The following CPA6 variants were observed in gnomAD, a reference collection of about 807,000 sequenced individuals.
The protein encoded by CPA6 is carboxypeptidase A6, also known as carboxypeptidase B.
Under a neutral mutation model 63.3 loss-of-function variants are expected in CPA6, and 58 were observed. The observed-to-expected ratio is 0.92, with a 90% confidence interval of 0.74 to 1.14. The LOEUF is 1.14. Ranked by LOEUF, CPA6 falls within the 50% of genes most tolerant of loss-of-function variation. The probability of loss-of-function intolerance (pLI) is 0.00; values close to 1 mark genes in which losing one functional copy is unlikely to be tolerated. For missense variants in CPA6, 565 were observed against 526.6 expected, an observed-to-expected ratio of 1.07 and a Z score of -0.71; for synonymous variants, 185 against 179.0, an observed-to-expected ratio of 1.03 and a Z score of -0.27.
chr8:67,690,506 G>A (rs1276040995), intron 1 of CPA6, among the ~76,000 whole-genome samples: 1 of 152,166 alleles, frequency 6.6e-6, no homozygotes, highest in African/African-American at 2.4e-5. Flanking sequence ...ATCAGTGCTT[G>A]TTCTAAGGTA....
At chr8:67,697,367 A>T (rs1426015549) in intron 1 of CPA6, among the ~76,000 whole-genome samples, 1 of 152,212 alleles carries the variant, frequency 6.6e-6, no homozygotes, top group Non-Finnish European at 1.5e-5. Flanking sequence ...TGTGAAAAAG[A>T]AGGCAGATAG....
chr8:67,475,890 CTTT>C (rs1563968109), intron 8 of CPA6, among the ~76,000 whole-genome samples: 263 of 43,344 alleles, frequency 6.1e-3, no homozygotes, highest in Admixed American at 8.9e-3. Context: ...TCCTTTCTTT[CTTT>C]CTTTCTTTCT....
chr8:67,516,344 G>A (rs1312011152), intron 3 of CPA6, among the ~76,000 whole-genome samples: 1 of 152,126 alleles, frequency 6.6e-6, no homozygotes, highest in Non-Finnish European at 1.5e-5. Context: ...TAGAGAATGA[G>A]GTATCCTTCC....
chr8:67,603,414 C>A (rs1217068180), intron 2 of CPA6, among the ~76,000 whole-genome samples: 1 of 151,826 alleles, frequency 6.6e-6, no homozygotes, highest in Non-Finnish European at 1.5e-5. Flanking sequence ...ATAAAGAGAT[C>A]TGTACTTTAT....
chr8:67,724,588 A>T lies in CPA6; in HGVS notation c.116+21426T>A, dbSNP rs527822844. 2.0e-5 allele frequency among the ~76,000 whole-genome samples: 3 copies of T among 152,330 alleles called. No individual in the cohort carries two copies. The East Asian group carries it at 5.8e-4, about 29-fold the overall frequency. On this transcript the variant is annotated intron_variant, in intron 1 of 10. Transcript: ENST00000297770. Reference sequence around the variant, plus strand: ...CACCTGTGTAGCACTTATATCTATGAGAATTGAAAGCAACTACTTGCATAC... The same window carrying T: ...CACCTGTGTAGCACTTATATCTATGTGAATTGAAAGCAACTACTTGCATAC...
chr8:67,653,424 G>A lies in CPA6; in HGVS notation c.117-29173C>T, dbSNP rs1454933001. Among the ~76,000 whole-genome samples, 82 of 151,602 alleles carry A rather than the reference G, an allele frequency of 5.4e-4. 1 individual carries two copies. In the South Asian group the frequency reaches 0.015, roughly 28 times the overall value. ...GTATCCTCTTTTATTTCATTGAGCA[G>A]TGGTTTGTAGTTCTCCTTGAAGAGG... On this transcript the variant is annotated intron_variant, in intron 1 of 10. Transcript: ENST00000297770.
At chr8:67,505,698 C>T (rs1811913073) in intron 6 of CPA6, among the ~76,000 whole-genome samples, 2 of 152,068 alleles carry the variant, frequency 1.3e-5, no homozygotes, top group Non-Finnish European at 2.9e-5. Context: ...TTTTATTACT[C>T]AATACTTACA....
At chr8:67,572,134 T>C (rs1047734375) in intron 2 of CPA6, among the ~76,000 whole-genome samples, 1 of 152,056 alleles carries the variant, frequency 6.6e-6, no homozygotes, top group Non-Finnish European at 1.5e-5. Context: ...TCACAAGAAA[T>C]AGAAAATCTG....
intron 6 of CPA6, among the ~76,000 whole-genome samples, chr8:67,486,297 C>G (rs1442448223): frequency 6.6e-6 from 1 of 152,206 alleles, no homozygotes; most frequent in Non-Finnish European, 1.5e-5. Context: ...ATTGCATATG[C>G]CACTGTGGTT....
intron 2 of CPA6, among the ~76,000 whole-genome samples, chr8:67,595,320 G>A (rs1189547018): frequency 1.3e-5 from 2 of 152,196 alleles, no homozygotes; most frequent in African/African-American, 2.4e-5. Flanking sequence ...TAGGCTGCTC[G>A]GGGGTCAGGG....
At chr8:67,456,824 T>C (rs1810687025) in intron 8 of CPA6, among the ~76,000 whole-genome samples, 1 of 152,180 alleles carries the variant, frequency 6.6e-6, no homozygotes, top group Non-Finnish European at 1.5e-5. Flanking sequence ...ACAGGTGCCC[T>C]TATAAGAGGG....
intron 2 of CPA6, among the ~76,000 whole-genome samples, chr8:67,544,283 G>A (rs900471934): frequency 3.3e-5 from 5 of 152,170 alleles, no homozygotes; most frequent in Non-Finnish European, 7.3e-5. Context: ...ATGTGGTCAG[G>A]GTGTACTGTC....
rs776127035 is a variant in CPA6 at position 67,518,051 on chromosome 8, T to C, written c.193-4A>G. The C allele has an allele frequency of 3.1e-5, 49 of 1,586,594 alleles. No homozygotes were observed. The South Asian group carries it at 4.8e-4, about 15-fold the overall frequency. ...TGCTGGGCTGCCACAGGTCCACCTG[T>C]AGTGCAGGAACCAACCTATAATTCA... On this transcript the variant is annotated splice_region_variant and splice_polypyrimidine_tract_variant and intron_variant, in intron 2 of 10. Coordinates refer to ENST00000297770, the MANE Select transcript of CPA6 (RefSeq NM_020361.5).
At chr8:67,735,002 G>A (rs1477465628) in intron 1 of CPA6, among the ~76,000 whole-genome samples, 1 of 152,170 alleles carries the variant, frequency 6.6e-6, no homozygotes, top group Non-Finnish European at 1.5e-5. Context: ...CTCATCTAGT[G>A]ATAGAGTGTG....
At chr8:67,651,904 C>T (rs369419532) in intron 1 of CPA6, among the ~76,000 whole-genome samples, 6 of 152,098 alleles carry the variant, frequency 3.9e-5, no homozygotes, top group Middle Eastern at 3.4e-3. Context: ...GCCCCCACCC[C>T]GCAACAGTCC....
At position 67,506,764 on chromosome 8, in the gene CPA6, A is replaced by G. The variant is rs374998909; in HGVS notation, c.636+23T>C. 67 of 1,488,160 alleles carry G rather than the reference A, an allele frequency of 4.5e-5. No individual in the cohort carries two copies. The Middle Eastern group carries it at 8.5e-4, about 19-fold the overall frequency. 92.2% of individuals were successfully genotyped at this position (1,488,160 alleles called of 1,614,324 possible). On this transcript the variant is annotated intron_variant, in intron 6 of 10. Transcript: ENST00000297770. ...GAAGCACTGACTAGCTGAAATGGAC[A>G]TTGTGTAAAGGGTTTAACTTACTTC...
At chr8:67,644,159 C>T (rs1002133300) in intron 1 of CPA6, among the ~76,000 whole-genome samples, 2 of 151,496 alleles carry the variant, frequency 1.3e-5, no homozygotes, top group African/African-American at 4.9e-5. Flanking sequence ...CGCTCTGTCG[C>T]CCAGGCTGGA....
chr8:67,651,394 C>T (rs1018977691), intron 1 of CPA6, among the ~76,000 whole-genome samples: 1 of 152,144 alleles, frequency 6.6e-6, no homozygotes, highest in Non-Finnish European at 1.5e-5. Context: ...ACATCAGAAA[C>T]CTCGGCCTCT....
intron 2 of CPA6, among the ~76,000 whole-genome samples, chr8:67,622,254 A>G (rs920190546): frequency 4.3e-4 from 65 of 152,370 alleles, no homozygotes; most frequent in African/African-American, 1.4e-3. Context: ...ACACAATTTC[A>G]GTGGAGACGG....
Sources: gnomAD v4.1 joint callset for allele counts (sites outside exome capture counted in the v4.1 genomes callset) on GRCh38, gnomAD v4.1.1 for gene constraint, MANE v1.5 for transcripts, NCBI Gene and HGNC (gene_info 2026-07-23, HGNC 2026-07-21) for gene names.